Variants in NTRK2 observed in about 807,000 individuals in gnomAD.
NTRK2 encodes neurotrophic receptor tyrosine kinase 2, also known as BDNF/NT-3 growth factors receptor.
Under a neutral mutation model 94.5 loss-of-function variants are expected in NTRK2, and 13 were observed. The ratio of observed to expected loss-of-function variants is 0.14; its 90% CI spans 0.09 to 0.22. The LOEUF (loss-of-function observed/expected upper bound fraction) is 0.22. Among genes scored for constraint, NTRK2 ranks in the 10% least tolerant of loss-of-function variants. The pLI is 1.00. For missense variants in NTRK2, 639 were observed against 1,071.2 expected (o/e 0.60, Z 5.63); for synonymous variants, 372 against 407.4 (o/e 0.91, Z 1.05).
intron 14 of NTRK2, among the ~76,000 whole-genome samples, chr9:84,881,335 T>C (rs2076248143): frequency 6.6e-6 from 1 of 152,224 alleles, no homozygotes; most frequent in South Asian, 2.1e-4. Context: ...TTAGGGTATA[T>C]GTCGTATGTC....
In NTRK2 at chr9:84,715,597, T is replaced by G. The variant is rs374181705; in HGVS notation, c.583+4806T>G. On this transcript the variant is annotated intron_variant, in intron 6 of 18. Coordinates refer to ENST00000277120, the MANE Select transcript of NTRK2 (RefSeq NM_006180.6). ...GCAAGAGAACATTTTCATATAACAT[T>G]TCCACATTAATTGGAATAGAGAGGT... is the stretch of plus-strand genomic sequence containing the variant. 1.8e-4 allele frequency among the ~76,000 whole-genome samples: 27 copies of G among 152,276 alleles called. No homozygotes were observed. In the South Asian group the frequency reaches 5.0e-3, roughly 28 times the overall value.
intron 17 of NTRK2, among the ~76,000 whole-genome samples, chr9:85,004,635 G>A (rs1830759158): frequency 6.6e-6 from 1 of 152,084 alleles, no homozygotes; most frequent in African/African-American, 2.4e-5. Context: ...GTTGACTAAG[G>A]GATTTAGAGG....
rs1456899600 is a variant in NTRK2 at position 84,955,277 on chromosome 9, C to A, written c.1938-6C>A. ...CCCCAGCTTCATTCTCCATGTCCTT[C>A]CCCAGGGCACACGGCCCTGATGCCG... On this transcript the variant is annotated splice_region_variant and splice_polypyrimidine_tract_variant and intron_variant, in intron 16 of 18. Coordinates refer to ENST00000277120, the MANE Select transcript of NTRK2 (RefSeq NM_006180.6). 6.3e-7 allele frequency: 1 copy of A among 1,591,896 alleles called. No individual in the cohort carries two copies.
intron 14 of NTRK2, among the ~76,000 whole-genome samples, chr9:84,920,512 C>A (rs373526850): frequency 9.8e-5 from 15 of 152,314 alleles, no homozygotes; most frequent in African/African-American, 3.4e-4. Flanking sequence ...CTCCTTCCGT[C>A]TGTTGCACCT....
chr9:84,907,850 G>C (rs1177617295), intron 14 of NTRK2, among the ~76,000 whole-genome samples: 4 of 152,110 alleles, frequency 2.6e-5, no homozygotes, highest in Admixed American at 2.6e-4. Context: ...TGTCCAAGTT[G>C]ATAGCTTCTG....
intron 17 of NTRK2, among the ~76,000 whole-genome samples, chr9:84,959,224 C>T (rs1230660910): frequency 2.0e-5 from 3 of 152,194 alleles, no homozygotes; most frequent in Admixed American, 1.3e-4. Context: ...TGTGAGCTGT[C>T]GTCACCAATG....
intron 17 of NTRK2, among the ~76,000 whole-genome samples, chr9:85,001,089 T>G (rs756884025): frequency 4.6e-5 from 7 of 152,198 alleles, no homozygotes; most frequent in African/African-American, 1.4e-4. Flanking sequence ...TGAGTCTAGT[T>G]TAAAACTTTA....
intron 9 of NTRK2, among the ~76,000 whole-genome samples, chr9:84,733,562 G>T (rs948969008): frequency 1.1e-4 from 16 of 152,114 alleles, no homozygotes; most frequent in Admixed American, 9.2e-4. Context: ...AGGATGGTGG[G>T]AATAAAACAC....
intron 6 of NTRK2, among the ~76,000 whole-genome samples, chr9:84,717,522 C>T (rs1001653767): frequency 6.6e-6 from 1 of 152,178 alleles, no homozygotes; most frequent in African/African-American, 2.4e-5. Context: ...TGGTTAAGGC[C>T]CTGGACAGAC....
At chr9:84,726,317 T>A (rs2062453793) in intron 8 of NTRK2, among the ~76,000 whole-genome samples, 1 of 152,110 alleles carries the variant, frequency 6.6e-6, no homozygotes, top group Admixed American at 6.5e-5. Flanking sequence ...TGAAACCCCG[T>A]CTCTACTAGA....
chr9:84,931,716 C>CAAAAAAAAAAAAAAAAAAAAA (rs11395381), intron 14 of NTRK2, among the ~76,000 whole-genome samples: 2 of 100,366 alleles, frequency 2.0e-5, no homozygotes, highest in African/African-American at 6.4e-5. Context: ...TAATAAAATG[C>CAAAAAAAAAAAAAAAAAAAAA]AAAAAAAAAA....
At position 85,025,163 on chromosome 9, in the gene NTRK2, A is replaced by G. The variant is rs1053196344; in HGVS notation, c.*3726A>G. On this transcript the variant is annotated 3_prime_UTR_variant, in exon 19 of 19. Coordinates refer to ENST00000277120, the MANE Select transcript of NTRK2 (RefSeq NM_006180.6). ...GTGCAGTACTGCATGGGTGGAAGAC[A>G]TATTTAAGATAATGTGCTTCCCAAA... 4.3e-6 allele frequency: 1 copy of G among 233,226 alleles called. No homozygotes were observed. The highest frequency in any genetic ancestry group is 1.8e-4 in the South Asian group (1 of 5,530). 14.4% of individuals were successfully genotyped at this position (233,226 alleles called of 1,614,324 possible).
chr9:85,007,877 C>A (rs761560496), intron 17 of NTRK2, among the ~76,000 whole-genome samples: 46 of 152,216 alleles, frequency 3.0e-4, no homozygotes, highest in Non-Finnish European at 1.5e-4. Context: ...GGCAGGCCTG[C>A]AGTAAATGGT....
At chr9:84,811,574 A>G (rs1025502772) in intron 12 of NTRK2, 2 of 1,065,364 alleles carry the variant, frequency 1.9e-6, no homozygotes, top group African/African-American at 3.3e-5. Flanking sequence ...AAGGCCTGGG[A>G]GCAGAATGGC....
intron 17 of NTRK2, among the ~76,000 whole-genome samples, chr9:84,961,752 G>A (rs867754448): frequency 5.3e-5 from 8 of 152,202 alleles, no homozygotes; most frequent in South Asian, 2.1e-4. Flanking sequence ...AATACAATGT[G>A]ATAAATGCTG....
chr9:84,852,503 T>C (rs1329138923), intron 12 of NTRK2, among the ~76,000 whole-genome samples: 1 of 152,226 alleles, frequency 6.6e-6, no homozygotes, highest in African/African-American at 2.4e-5. Flanking sequence ...CAACTCTTAT[T>C]ATTAAGCAGA....
At chr9:84,943,160 T>A (rs778438097) in intron 15 of NTRK2, among the ~76,000 whole-genome samples, 65 of 152,302 alleles carry the variant, frequency 4.3e-4, no homozygotes, top group Middle Eastern at 3.4e-3. Flanking sequence ...ATCAGTACTT[T>A]TAAAAAGAAC....
At chr9:85,006,381 G>T (rs1830960696) in intron 17 of NTRK2, among the ~76,000 whole-genome samples, 1 of 152,134 alleles carries the variant, frequency 6.6e-6, no homozygotes, top group Non-Finnish European at 1.5e-5. Context: ...ATTAAGCTCT[G>T]CTGGCCCTCT....
chr9:85,014,433 A>G (rs1046325958), intron 17 of NTRK2, among the ~76,000 whole-genome samples: 16 of 152,246 alleles, frequency 1.1e-4, no homozygotes, highest in Admixed American at 9.8e-4. Context: ...GCCTGTCAGC[A>G]TGAAGAGTGG....
Sources: allele counts gnomAD v4.1 joint callset (sites outside exome capture counted in the v4.1 genomes callset), GRCh38; gene constraint gnomAD v4.1.1; transcripts MANE v1.5; gene names NCBI Gene and HGNC (gene_info 2026-07-23, HGNC 2026-07-21).